Variants in PPL observed in about 807,000 individuals in gnomAD.
The protein encoded by PPL is periplakin.
A neutral mutation model predicts 194.4 loss-of-function variants in PPL; 198 were observed. The ratio of observed to expected loss-of-function variants is 1.02; its 90% CI spans 0.91 to 1.15. PPL has a LOEUF of 1.15. Ranked by LOEUF, PPL falls within the 50% of genes most tolerant of loss-of-function variation. The pLI, the probability that PPL is intolerant of heterozygous loss-of-function variation, is 0.00. For missense variants in PPL, 2,885 were observed against 2,294.8 expected (o/e 1.26, Z -5.25); for synonymous variants, 1,220 against 972.4 (o/e 1.25, Z -4.74).
intron 1 of PPL, among the ~76,000 whole-genome samples, chr16:4,923,534 C>T (rs1351118038): frequency 6.6e-6 from 1 of 152,202 alleles, no homozygotes; most frequent in East Asian, 1.9e-4. Flanking sequence ...CTTCAAGAGC[C>T]ACCCTTGATG....
intron 20 of PPL, among the ~76,000 whole-genome samples, chr16:4,887,633 ATC>A (rs2088240078): frequency 2.0e-5 from 3 of 152,158 alleles, no homozygotes. Flanking sequence ...TAAAGACAGA[ATC>A]TCTTTCACTC....
At chr16:4,890,121 C>G in intron 18 of PPL, 63 bp downstream of exon 18, 1 of 1,611,290 alleles carries the variant, frequency 6.2e-7, no homozygotes, top group Non-Finnish European at 8.5e-7. Context: ...CAGAAAGGGG[C>G]TTGTTGACCT....
chr16:4,888,468 C>T (rs2088254635), intron 19 of PPL, among the ~76,000 whole-genome samples: 1 of 152,224 alleles, frequency 6.6e-6, no homozygotes, highest in African/African-American at 2.4e-5. Context: ...CTGAATTCCC[C>T]TCCCAGCCTT....
At chr16:4,886,143 C>T in intron 21 of PPL, 96 bp from the exon 22 acceptor site, 1 of 1,468,096 alleles carries the variant, frequency 6.8e-7, no homozygotes, top group Non-Finnish European at 9.3e-7. Context: ...CTGTGGTCCC[C>T]AAGGGACTCC....
chr16:4,900,449 TTTTTTTTA>T (rs1359373654), intron 6 of PPL, among the ~76,000 whole-genome samples: 3 of 123,452 alleles, frequency 2.4e-5, no homozygotes, highest in South Asian at 2.7e-4. Context: ...TTTTTTTTTT[TTTTTTTTA>T]AAGGCAGGGT....
At chr16:4,889,242 T>TTGTTG (rs796421270) in intron 18 of PPL, among the ~76,000 whole-genome samples, 181 bp from the exon 19 acceptor site, 2 of 9,378 alleles carry the variant, frequency 2.1e-4, no homozygotes, top group South Asian at 0.019. Flanking sequence ...GTTGTTGTTG[T>TTGTTG]TTTTTTTTTT....
rs549917658 is a variant in PPL, at chr16:4,890,898, G to A, written c.1992C>T (p.Ala664=). Residue 664 remains alanine (A), a synonymous_variant, in exon 17 of 22, where the codon GCC becomes GCT. Transcript: ENST00000345988. ...ELAAMACELQ[A]QKSLLGEVEQ... is the part of the protein sequence containing the mutation. ...CCACCTCACCCAGGAGGGACTTCTG[G>A]GCCTGTAACTCACAGGCCATGGCCT... 9 of 1,533,412 alleles carry A rather than the reference G, an allele frequency of 5.9e-6. No homozygotes were observed. The highest frequency in any genetic ancestry group is 1.4e-5 in the African/African-American group (1 of 72,764). 95.0% of individuals were successfully genotyped at this position (1,533,412 alleles called of 1,614,324 possible).
At chr16:4,886,097 T>C (rs776683281) in intron 21 of PPL, 50 bp from the exon 22 acceptor site, 5 of 1,610,228 alleles carry the variant, frequency 3.1e-6, no homozygotes, top group Non-Finnish European at 4.2e-6. Flanking sequence ...TGGCAGCACA[T>C]GTAGGGCCTG....
Position 4,884,770 on chromosome 16 carries a change from G to A in PPL, c.3885C>T (p.Ile1295=). The change falls in exon 22 of 22, where the codon ATC becomes ATT. Residue 1295 remains isoleucine, a synonymous_variant. Transcript: ENST00000345988. The surrounding 1 kb of genome is among the most constrained non-coding windows in gnomAD (Gnocchi z 5.7). ...TTTGAGGGTCTTCTTGGAATTGGAG[G>A]ATCTCCTGGACCACCTCTTTGGTCT... ...QVQTKEVVQE[I]LQFQEDPQTK... 6.2e-7 allele frequency: 1 copy of A among 1,614,160 alleles called. No homozygotes were observed. The highest frequency in any genetic ancestry group is 8.5e-7 in the Non-Finnish European group (1 of 1,180,032).
At position 4,904,069 on chromosome 16, in the gene PPL, G is replaced by T. The variant is rs1482282119; in HGVS notation, c.163-29C>A. Reference sequence around the variant, plus strand: ...TGAGGGTCACAAGAGAGGGGACAATGAACAGGAGCCGAGAGCGGGCACGGT... The same window carrying T: ...TGAGGGTCACAAGAGAGGGGACAATTAACAGGAGCCGAGAGCGGGCACGGT... On this transcript the variant is annotated intron_variant, in intron 2 of 21. Coordinates refer to ENST00000345988, the MANE Select transcript of PPL (RefSeq NM_002705.5). 1.9e-6 allele frequency: 3 copies of T among 1,602,280 alleles called. No homozygotes were observed. The African/African-American group carries it at 4.0e-5, about 21-fold the overall frequency.
intron 1 of PPL, among the ~76,000 whole-genome samples, chr16:4,917,946 A>G (rs2088957670): frequency 6.6e-6 from 1 of 151,364 alleles, no homozygotes; most frequent in Non-Finnish European, 1.5e-5. Flanking sequence ...TAAATGAGTG[A>G]ACTGGATGAT....
Position 4,901,074 on chromosome 16 carries a change from G to A in PPL, c.454C>T (p.Gln152Ter), listed in dbSNP as rs750194135. The A allele has an allele frequency of 6.2e-7, 1 of 1,614,164 alleles. No individual in the cohort carries two copies. Among genetic ancestry groups the A allele is most frequent in the East Asian group, 2.2e-5 (1 of 44,876 alleles). The change falls in exon 5 of 22, where the codon CAG (glutamine) becomes TAG (stop). Residue 152 changes from glutamine to a stop codon, truncating the protein, a stop_gained. Transcript: ENST00000345988. LOFTEE classifies it high-confidence loss of function. ...AGCGGCAGGTCAGTCCCAAAGCTCT[G>A]GTTGTTCAGCTTGTCCTGGCCAGGA... ...VEEKLDKLNN[Q>*]SFGTDLPLVD...
chr16:4,925,044 A>G (rs546871953), intron 1 of PPL, among the ~76,000 whole-genome samples: 13 of 151,950 alleles, frequency 8.6e-5, no homozygotes, highest in Admixed American at 2.6e-4. Flanking sequence ...CTTTGATCAC[A>G]TCTGCAGTTC....
intron 1 of PPL, among the ~76,000 whole-genome samples, chr16:4,912,511 C>T (rs945004355): frequency 3.3e-5 from 5 of 152,270 alleles, no homozygotes; most frequent in Non-Finnish European, 5.9e-5. Context: ...CTGCTATGAA[C>T]GTTCGGGAAC....
rs898653607 is a variant in PPL at position 4,885,967 on chromosome 16, C to G, written c.2688G>C (p.Arg896Ser). The G allele has an allele frequency of 5.0e-6, 8 of 1,613,694 alleles. No homozygotes were observed. The highest frequency in any genetic ancestry group is 6.8e-6 in the Non-Finnish European group (8 of 1,180,058). ...DSGVEEAWKI[R>S]KELDEETERR... ...GCTCAGTCTCCTCATCCAGTTCCTT[C>G]CTGATCTTCCACGCCTCCTCCACTC... Residue 896 changes from arginine (R) to serine (S), a missense_variant, in exon 22 of 22, where the codon AGG (arginine) becomes AGC (serine). Coordinates refer to ENST00000345988, the MANE Select transcript of PPL (RefSeq NM_002705.5). This position sits in a 1 kb window ranked among gnomAD's most constrained non-coding sequence, Gnocchi z 6.3.
rs770039748 is a variant in PPL, at chr16:4,885,944, TCA to T, written c.2709_2710del (p.Glu904AlafsTer99). On this transcript the variant is annotated frameshift_variant, in exon 22 of 22. Coordinates refer to ENST00000345988, the MANE Select transcript of PPL (RefSeq NM_002705.5). LOFTEE classifies it high-confidence loss of function. The surrounding 1 kb of genome is among the most constrained non-coding windows in gnomAD (Gnocchi z 6.3). ...CTCGTTCTCCAGCTGCCGCCTCCGC[TCA>T]GTCTCCTCATCCAGTTCCTTCCTGA... is the stretch of plus-strand genomic sequence containing the variant. 1 of 1,613,464 alleles carries T rather than the reference TCA, an allele frequency of 6.2e-7. No individual in the cohort carries two copies. The highest frequency in any genetic ancestry group is 8.5e-7 in the Non-Finnish European group (1 of 1,180,038).
At chr16:4,930,822 G>A (rs1043552009) in intron 1 of PPL, among the ~76,000 whole-genome samples, 10 of 152,250 alleles carry the variant, frequency 6.6e-5, no homozygotes, top group African/African-American at 1.4e-4. Context: ...CGGGCACAGC[G>A]TGGAAACAAG....
At chr16:4,935,981 C>G (rs1036054816) in intron 1 of PPL, among the ~76,000 whole-genome samples, 1 of 152,192 alleles carries the variant, frequency 6.6e-6, no homozygotes, top group African/African-American at 2.4e-5. Flanking sequence ...TAGCCCAGAG[C>G]CCCCACTCTA....
At chr16:4,896,705 T>C (rs2088437397) in intron 9 of PPL, among the ~76,000 whole-genome samples, 1 of 149,448 alleles carries the variant, frequency 6.7e-6, no homozygotes, top group South Asian at 2.1e-4. Flanking sequence ...AATGGCGCGA[T>C]CTCAGCTCAC....
Sources: allele counts gnomAD v4.1 joint callset (sites outside exome capture counted in the v4.1 genomes callset), GRCh38; gene constraint gnomAD v4.1.1; non-coding constraint Gnocchi (gnomAD v3.1); transcripts MANE v1.5; gene names NCBI Gene and HGNC (gene_info 2026-07-23, HGNC 2026-07-21).